The following LHX9 variants were observed in gnomAD, a reference collection of about 807,000 sequenced individuals.
LHX9 encodes LIM/homeobox protein Lhx9.
LHX9 carries 9 observed loss-of-function variants against 36.5 expected under a neutral mutation model. The observed-to-expected ratio is 0.25, with a 90% confidence interval of 0.15 to 0.43. The LOEUF is 0.43. Among genes scored for constraint, LHX9 ranks in the 20% least tolerant of loss-of-function variants. The pLI, the probability that LHX9 is intolerant of heterozygous loss-of-function variation, is 1.00. For synonymous variants in LHX9, 211 were observed against 212.1 expected, an observed-to-expected ratio of 0.99 and a Z score of 0.04; for missense variants, 464 against 526.4, an observed-to-expected ratio of 0.88 and a Z score of 1.16.
upstream of LHX9, chr1:197,915,772 G>A (rs367753993): frequency 6.6e-6 from 1 of 152,224 alleles, no homozygotes; most frequent in South Asian, 2.1e-4. Flanking sequence ...CAGGAAGTCA[G>A]GCTGCTGCAC....
In LHX9 at chr1:197,932,767, T is replaced by A. The variant is rs200413755; in HGVS notation, c.*3508T>A. ...TGGTTTTTACCTTTTCATGACTTAT[T>A]TTCATTTGTTGTATTCAATTGCCAC... On this transcript the variant is annotated 3_prime_UTR_variant, in exon 5 of 5. Coordinates refer to ENST00000367387, the MANE Select transcript of LHX9 (RefSeq NM_020204.3). The A allele has an allele frequency of 2.6e-5, 4 of 152,158 alleles. No individual in the cohort carries two copies. In the East Asian group the frequency reaches 7.7e-4, roughly 29 times the overall value. 9.4% of individuals were successfully genotyped at this position (152,158 alleles called of 1,614,324 possible).
chr1:197,919,764 C>T (rs1424165317), intron 1 of LHX9, among the ~76,000 whole-genome samples: 2 of 152,246 alleles, frequency 1.3e-5, no homozygotes, highest in East Asian at 1.9e-4. Context: ...AGGACGCGAA[C>T]GCCGGTTCAG....
In LHX9 at chr1:197,929,067, T is replaced by G. The variant is rs1341902365; in HGVS notation, c.1002T>G (p.Val334=). The G allele has an allele frequency of 3.7e-6, 6 of 1,613,552 alleles. No homozygotes were observed. Among genetic ancestry groups the G allele is most frequent in the Non-Finnish European group, 5.1e-6 (6 of 1,179,858 alleles). ...TTTTGCGGCAGGAGAATGGGGGTGT[T>G]GATAAAGCTGACGGCACGTCGCTTC... ...RNLLRQENGG[V]DKADGTSLPA... Residue 334 remains valine, a synonymous_variant, in exon 5 of 5, where the codon GTT becomes GTG. Transcript: ENST00000367387.
At chr1:197,926,453 G>T (rs537029037) in intron 3 of LHX9, among the ~76,000 whole-genome samples, 73 of 152,266 alleles carry the variant, frequency 4.8e-4, no homozygotes, top group Non-Finnish European at 9.1e-4. Flanking sequence ...GGCTGAAGTT[G>T]GTTGTGTAAA....
rs950215640 is a variant in LHX9, at chr1:197,933,759, G to C, written c.*4500G>C. On this transcript the variant is annotated 3_prime_UTR_variant, in exon 5 of 5. Transcript: ENST00000367387. The stretch of plus-strand genomic sequence containing the variant: ...TTAAAACCAAAAAAAAAAAAAAAAA[G>C]AGAGAGAGAGAGAAAGGAGTACTAA... 10 of 142,640 alleles carry C rather than the reference G, an allele frequency of 7.0e-5. No homozygotes were observed. The highest frequency in any genetic ancestry group is 2.9e-4 in the African/African-American group (10 of 35,040). 8.8% of individuals were successfully genotyped at this position (142,640 alleles called of 1,614,324 possible).
In LHX9 at chr1:197,929,787, T is replaced by C. The variant is rs1660274392; in HGVS notation, c.*528T>C. 2.1e-6 allele frequency: 2 copies of C among 943,024 alleles called. No individual in the cohort carries two copies. Among genetic ancestry groups the C allele is most frequent in the Non-Finnish European group, 2.5e-6 (2 of 791,332 alleles). The allele number at this position is 943,024 out of a possible 1,614,324, so 58.4% of individuals were successfully genotyped here. A position where few individuals can be genotyped will look rare whatever the true frequency, so the allele number is the denominator to read the frequency against. ...GTTTTTAGTATTTCTATTTCTTACC[T>C]GAACTGTTAATTCAAGTGAGGAATA... On this transcript the variant is annotated 3_prime_UTR_variant, in exon 5 of 5. Transcript: ENST00000367387.
At chr1:197,915,410 C>T (rs1428537541), upstream of LHX9, among the ~76,000 whole-genome samples, 3 of 152,152 alleles carry the variant, frequency 2.0e-5, no homozygotes, top group East Asian at 3.9e-4. Flanking sequence ...AGGACTGCTG[C>T]CCCCAGCCCC....
chr1:197,920,043 C>T lies in LHX9; in HGVS notation c.246C>T (p.Tyr82=), dbSNP rs139510839. Residue 82 remains tyrosine (Y), a synonymous_variant, in exon 2 of 5, where the codon TAC becomes TAT. Transcript: ENST00000367387. ...AGCGGKISDR[Y]YLLAVDKQWH... ...GCGGGGGCAAGATCTCGGACAGGTA[C>T]TATCTGCTGGCTGTGGACAAACAGT... 36 of 1,614,280 alleles carry T rather than the reference C, an allele frequency of 2.2e-5. No homozygotes were observed. In the African/African-American group the frequency reaches 4.0e-4, roughly 18 times the overall value.
At position 197,917,411 on chromosome 1, in the gene LHX9, C is replaced by G; in HGVS notation, c.-413C>G. 2 of 1,309,252 alleles carry G rather than the reference C, an allele frequency of 1.5e-6. No individual in the cohort carries two copies. Among genetic ancestry groups the G allele is most frequent in the South Asian group, 2.5e-5 (2 of 81,048 alleles). 81.1% of individuals were successfully genotyped at this position (1,309,252 alleles called of 1,614,324 possible). A position where few individuals can be genotyped will look rare whatever the true frequency, so the allele number is the denominator to read the frequency against. On this transcript the variant is annotated 5_prime_UTR_variant, in exon 1 of 5. Coordinates refer to ENST00000367387, the MANE Select transcript of LHX9 (RefSeq NM_020204.3). ...TCTACAGGCACTGGGAACTTGCAAG[C>G]AGCCAGGGAACGCTGAAAATAGCAC...
chr1:197,912,907 G>A, upstream of LHX9: 1 of 353,932 alleles, frequency 2.8e-6, no homozygotes, highest in Non-Finnish European at 5.1e-6. Context: ...TGCTGGGGGT[G>A]TCTCTTTCTT....
At chr1:197,919,404 T>C (rs1659895014) in intron 1 of LHX9, among the ~76,000 whole-genome samples, 1 of 152,198 alleles carries the variant, frequency 6.6e-6, no homozygotes, top group Admixed American at 6.5e-5. Flanking sequence ...CCCTGAAAAT[T>C]AGGGAACAGC....
Position 197,930,557 on chromosome 1 carries a change from T to C in LHX9, c.*1298T>C, listed in dbSNP as rs1660302652. 1 of 152,040 alleles carries C rather than the reference T, an allele frequency of 6.6e-6. No individual in the cohort carries two copies. Among genetic ancestry groups the C allele is most frequent in the Non-Finnish European group, 1.5e-5 (1 of 67,890 alleles). 9.4% of individuals were successfully genotyped at this position (152,040 alleles called of 1,614,324 possible). A position where few individuals can be genotyped will look rare whatever the true frequency, so the allele number is the denominator to read the frequency against. Reference sequence around the variant, plus strand: ...AGTCAAGATATATGTCTTGCTTTAGTGGATTGTTAAGAATAACTTTGCACA... The same window carrying C: ...AGTCAAGATATATGTCTTGCTTTAGCGGATTGTTAAGAATAACTTTGCACA... On this transcript the variant is annotated 3_prime_UTR_variant, in exon 5 of 5. Transcript: ENST00000367387.
Position 197,934,491 on chromosome 1 carries a change from A to C in LHX9, c.*5232A>C, listed in dbSNP as rs1261451918. Reference sequence around the variant, plus strand: ...TTAAATTTTAACTATGTTATAAACAAAGCTAGCTTTACTTGTAGAGAGTTC... The same window carrying C: ...TTAAATTTTAACTATGTTATAAACACAGCTAGCTTTACTTGTAGAGAGTTC... On this transcript the variant is annotated 3_prime_UTR_variant, in exon 5 of 5. Transcript: ENST00000367387. 1 of 152,206 alleles carries C rather than the reference A, an allele frequency of 6.6e-6. No individual in the cohort carries two copies. The highest frequency in any genetic ancestry group is 1.5e-5 in the Non-Finnish European group (1 of 68,026). 9.4% of individuals were successfully genotyped at this position (152,206 alleles called of 1,614,324 possible).
Position 197,917,562 on chromosome 1 carries a change from CCT to C in LHX9, c.-259_-258del. The stretch of plus-strand genomic sequence containing the variant: ...AGAGCAGTAAGATTCGCCTTCTACG[CCT>C]CTTTTTCCCTCCGCCCGAATTGTTT... On this transcript the variant is annotated 5_prime_UTR_variant, in exon 1 of 5. Transcript: ENST00000367387. 1 of 1,481,938 alleles carries C rather than the reference CCT, an allele frequency of 6.7e-7. No homozygotes were observed. Among genetic ancestry groups the C allele is most frequent in the Non-Finnish European group, 9.0e-7 (1 of 1,105,710 alleles). The allele number at this position is 1,481,938 out of a possible 1,614,324, so 91.8% of individuals were successfully genotyped here.
chr1:197,917,119 CG>C (rs1659784949), upstream of LHX9: 1 of 273,154 alleles, frequency 3.7e-6, no homozygotes. Context: ...TGTGTGTGCG[CG>C]CGCGCGCGCG....
rs1463967820 is a variant in LHX9, at chr1:197,929,682, C to T, written c.*423C>T. The T allele has an allele frequency of 2.2e-6, 2 of 925,906 alleles. No homozygotes were observed. Among genetic ancestry groups the T allele is most frequent in the East Asian group, 2.3e-4 (2 of 8,680 alleles). The allele number at this position is 925,906 out of a possible 1,614,324, so 57.4% of individuals were successfully genotyped here. ...AAAGAACCAGATAATTAATTAGTTA[C>T]TTTTTAAATCTTGCAATTGTATGTG... On this transcript the variant is annotated 3_prime_UTR_variant, in exon 5 of 5. Transcript: ENST00000367387.
chr1:197,914,519 G>A (rs905666965), upstream of LHX9, among the ~76,000 whole-genome samples: 2 of 152,122 alleles, frequency 1.3e-5, no homozygotes, highest in Non-Finnish European at 2.9e-5. Context: ...CTTTGAGAAT[G>A]AGGAGCGGGG....
chr1:197,919,242 A>G (rs1659888926), intron 1 of LHX9, among the ~76,000 whole-genome samples: 1 of 152,228 alleles, frequency 6.6e-6, no homozygotes, highest in Admixed American at 6.5e-5. Context: ...CCCAGAGGGA[A>G]GCATAACTTG....
rs1179301522 is a variant in LHX9, at chr1:197,918,427, C to G, written c.174+430C>G. On this transcript the variant is annotated intron_variant, in intron 1 of 4. Transcript: ENST00000367387. The stretch of plus-strand genomic sequence containing the variant: ...AAGCAGGAGCCCAGGTGGCCTTAGT[C>G]TCTGGGCCTGATGACCGGACCTGTG... The G allele has an allele frequency of 4.2e-6, 3 of 715,822 alleles. No homozygotes were observed. The African/African-American group carries it at 5.2e-5, about 13-fold the overall frequency. The allele number at this position is 715,822 out of a possible 1,614,324, so 44.3% of individuals were successfully genotyped here.
Sources: gnomAD v4.1 joint callset for allele counts (sites outside exome capture counted in the v4.1 genomes callset) on GRCh38, gnomAD v4.1.1 for gene constraint, MANE v1.5 for transcripts, NCBI Gene and HGNC (gene_info 2026-07-23, HGNC 2026-07-21) for gene names.